Variants in KCNIP4 observed in about 807,000 individuals in gnomAD.
KCNIP4 encodes the protein Kv channel-interacting protein 4.
In KCNIP4, 12 loss-of-function variants were observed where a neutral mutation model predicts 34.0. The observed-to-expected ratio is 0.35, with a 90% CI of 0.23 to 0.57. The LOEUF is 0.57. KCNIP4 is among the 20% of genes least tolerant of loss of function. The pLI, the probability that KCNIP4 is intolerant of heterozygous loss-of-function variation, is 0.83. For missense variants in KCNIP4, 238 were observed against 311.7 expected (o/e 0.76, Z 1.78); for synonymous variants, 124 against 102.2 (o/e 1.21, Z -1.29).
At chr4:21,680,169 AAC>A (rs59277761) in intron 1 of KCNIP4, among the ~76,000 whole-genome samples, 6,463 of 152,294 alleles carry the variant, frequency 0.042, 610 homozygotes, top group East Asian at 0.25. Flanking sequence ...AAGTTTATGT[AAC>A]AGTCTAAATT....
intron 1 of KCNIP4, among the ~76,000 whole-genome samples, chr4:21,089,183 G>A (rs1746749710): frequency 6.6e-6 from 1 of 152,176 alleles, no homozygotes; most frequent in African/African-American, 2.4e-5. Context: ...GTAGGGGCCT[G>A]GTGGGAGGTA....
chr4:21,713,870 C>A (rs1713938650), intron 1 of KCNIP4, among the ~76,000 whole-genome samples: 1 of 152,116 alleles, frequency 6.6e-6, no homozygotes, highest in Non-Finnish European at 1.5e-5. Flanking sequence ...TTTCACAGCA[C>A]AAGCTCATGT....
At chr4:21,851,094 C>T (rs1275119125) in intron 1 of KCNIP4, 1 of 152,010 alleles carries the variant, frequency 6.6e-6, no homozygotes. Context: ...GTCAAGAAAA[C>T]TGAAATAAGG....
chr4:21,255,177 T>A (rs1484361622), intron 1 of KCNIP4, among the ~76,000 whole-genome samples: 1 of 152,032 alleles, frequency 6.6e-6, no homozygotes, highest in East Asian at 1.9e-4. Flanking sequence ...CTGTGTCCCA[T>A]CCCTTCTCAC....
intron 1 of KCNIP4, among the ~76,000 whole-genome samples, chr4:21,806,719 G>A (rs1226823761): frequency 6.6e-6 from 1 of 151,924 alleles, no homozygotes; most frequent in Non-Finnish European, 1.5e-5. Flanking sequence ...AAGTTGAAAG[G>A]GAAAACATAT....
At chr4:21,495,579 A>C (rs2109872148) in intron 1 of KCNIP4, among the ~76,000 whole-genome samples, 1 of 151,894 alleles carries the variant, frequency 6.6e-6, no homozygotes, top group South Asian at 2.1e-4. Context: ...AGTGATTGTT[A>C]AACACTTACC....
At chr4:20,961,756 CTG>C (rs1354559047) in intron 1 of KCNIP4, among the ~76,000 whole-genome samples, 1 of 152,112 alleles carries the variant, frequency 6.6e-6, no homozygotes, top group Non-Finnish European at 1.5e-5. Flanking sequence ...ACAGTGCTCC[CTG>C]GAATGACATG....
intron 1 of KCNIP4, among the ~76,000 whole-genome samples, chr4:21,050,698 C>G (rs574202913): frequency 6.6e-6 from 1 of 152,234 alleles, no homozygotes; most frequent in East Asian, 1.9e-4. Flanking sequence ...TTAAGATTGA[C>G]CACAGCAATA....
chr4:21,216,341 C>G (rs1002674674), intron 1 of KCNIP4, among the ~76,000 whole-genome samples: 3 of 152,194 alleles, frequency 2.0e-5, no homozygotes, highest in Admixed American at 6.5e-5. Flanking sequence ...TTTGCTTTCA[C>G]TATATGTAAT....
chr4:21,816,685 G>C (rs941328068), intron 1 of KCNIP4, among the ~76,000 whole-genome samples: 1 of 152,090 alleles, frequency 6.6e-6, no homozygotes, highest in Admixed American at 6.6e-5. Flanking sequence ...ATGAGGACCT[G>C]TGTTTGGTCA....
intron 1 of KCNIP4, among the ~76,000 whole-genome samples, chr4:21,545,136 A>ATGGATTAGC (rs1215736202): frequency 6.6e-6 from 1 of 152,150 alleles, no homozygotes; most frequent in Non-Finnish European, 1.5e-5. Context: ...GCTAATTATA[A>ATGGATTAGC]TGGATTAGCA....
chr4:21,325,371 T>C (rs1236910826), intron 1 of KCNIP4, among the ~76,000 whole-genome samples: 3 of 151,916 alleles, frequency 2.0e-5, no homozygotes, highest in African/African-American at 7.2e-5. Context: ...TTTTAGGTTT[T>C]CCAATTTATT....
intron 1 of KCNIP4, among the ~76,000 whole-genome samples, chr4:21,107,286 A>G (rs1364041189): frequency 2.1e-5 from 3 of 141,270 alleles, no homozygotes; most frequent in Non-Finnish European, 4.5e-5. Flanking sequence ...GTGCTCCTGT[A>G]TTGGGTGCCT....
chr4:21,176,284 A>T (rs1289027690), intron 1 of KCNIP4, among the ~76,000 whole-genome samples: 2 of 152,174 alleles, frequency 1.3e-5, no homozygotes, highest in Admixed American at 1.3e-4. Context: ...GCTGGACTAG[A>T]TTCCTGTCTC....
chr4:20,862,138 G>A (rs1471534805), intron 2 of KCNIP4, among the ~76,000 whole-genome samples: 1 of 151,832 alleles, frequency 6.6e-6, no homozygotes, highest in Non-Finnish European at 1.5e-5. Context: ...CTACAGGCAT[G>A]TGCCACCACA....
chr4:20,912,507 G>C (rs1728424239), intron 1 of KCNIP4, among the ~76,000 whole-genome samples: 1 of 152,030 alleles, frequency 6.6e-6, no homozygotes, highest in Admixed American at 6.5e-5. Flanking sequence ...GCGTAAGTAA[G>C]CAAGCAACCA....
chr4:21,009,516 T>C (rs1738882225), intron 1 of KCNIP4, among the ~76,000 whole-genome samples: 1 of 152,222 alleles, frequency 6.6e-6, no homozygotes. Flanking sequence ...TAGGTTTTCA[T>C]GTAGAGAATT....
At chr4:20,981,514 T>C (rs1411266102) in intron 1 of KCNIP4, among the ~76,000 whole-genome samples, 2 of 152,238 alleles carry the variant, frequency 1.3e-5, no homozygotes, top group Non-Finnish European at 2.9e-5. Context: ...AAGTATGTTG[T>C]AGTAGGAAAA....
At chr4:21,299,297 T>C (rs1325609846) in intron 1 of KCNIP4, among the ~76,000 whole-genome samples, 3 of 152,034 alleles carry the variant, frequency 2.0e-5, no homozygotes, top group Non-Finnish European at 4.4e-5. Flanking sequence ...ACATGACTAA[T>C]AATAAGTGAA....
Sources: allele counts gnomAD v4.1 joint callset (sites outside exome capture counted in the v4.1 genomes callset), GRCh38; gene constraint gnomAD v4.1.1; transcripts MANE v1.5; gene names NCBI Gene and HGNC (gene_info 2026-07-23, HGNC 2026-07-21).